The following CSMD1 variants were observed in gnomAD, a reference collection of about 807,000 sequenced individuals.
The protein encoded by CSMD1 is CUB and Sushi multiple domains 1, also known as CUB and sushi domain-containing protein 1.
CSMD1 carries 213 observed loss-of-function variants against 417.5 expected under a neutral mutation model. The observed-to-expected ratio is 0.51, with a 90% CI of 0.46 to 0.57. CSMD1 has a LOEUF of 0.57. CSMD1 is among the 20% of genes least tolerant of loss of function. The probability of loss-of-function intolerance (pLI) is 0.00; values close to 1 mark genes in which losing one functional copy is unlikely to be tolerated. For synonymous variants in CSMD1, 2,862 were observed against 1,736.8 expected (o/e 1.65, Z -16.11); for missense variants, 6,923 against 4,529.7 (o/e 1.53, Z -15.17).
chr8:4,277,994 G>A lies in CSMD1; in HGVS notation c.415+141959C>T, dbSNP rs143767261. On this transcript the variant is annotated intron_variant, in intron 3 of 69. Transcript: ENST00000635120. ...TGAACTCCTAACCTCGTGATTCGCC[G>A]CCTTGCCCTCCCAAAGTGCTGGGAT... Among the ~76,000 whole-genome samples, 18 of 152,092 alleles carry A rather than the reference G, an allele frequency of 1.2e-4. No homozygotes were observed. The South Asian group carries it at 1.9e-3, about 16-fold the overall frequency.
At chr8:3,834,127 T>G (rs554339830) in intron 5 of CSMD1, among the ~76,000 whole-genome samples, 85 of 152,332 alleles carry the variant, frequency 5.6e-4, no homozygotes, top group African/African-American at 1.8e-3. Flanking sequence ...CATTTCTAAT[T>G]GTCTTCAATT....
At chr8:2,965,308 G>A (rs370245527) in intron 59 of CSMD1, among the ~76,000 whole-genome samples, 5 of 152,146 alleles carry the variant, frequency 3.3e-5, no homozygotes, top group South Asian at 2.1e-4. Flanking sequence ...CTTCAGTCTC[G>A]GCAACCAAAC....
At chr8:2,985,946 G>A (rs1175074068) in intron 54 of CSMD1, among the ~76,000 whole-genome samples, 1 of 139,064 alleles carries the variant, frequency 7.2e-6, no homozygotes, top group Middle Eastern at 3.6e-3. Flanking sequence ...GAAGGGAAGG[G>A]GAAGGGGAAG....
At chr8:3,166,778 G>A (rs1820247235) in intron 37 of CSMD1, among the ~76,000 whole-genome samples, 1 of 151,960 alleles carries the variant, frequency 6.6e-6, no homozygotes, top group African/African-American at 2.4e-5. Flanking sequence ...TTATTCTTAA[G>A]GCAGACTAAA....
At chr8:3,084,745 A>G (rs1034571403) in intron 49 of CSMD1, among the ~76,000 whole-genome samples, 19 of 152,074 alleles carry the variant, frequency 1.2e-4, no homozygotes, top group African/African-American at 4.3e-4. Flanking sequence ...ATGCTATTTA[A>G]AACTTTTATA....
At chr8:3,292,474 A>T (rs114351797) in intron 25 of CSMD1, among the ~76,000 whole-genome samples, 2,611 of 152,188 alleles carry the variant, frequency 0.017, 76 homozygotes, top group African/African-American at 0.06. Flanking sequence ...GTCTCTTTGT[A>T]GGTGTCTAAG....
At chr8:3,559,648 A>G (rs1799384537) in intron 10 of CSMD1, among the ~76,000 whole-genome samples, 1 of 152,198 alleles carries the variant, frequency 6.6e-6, no homozygotes, top group Admixed American at 6.5e-5. Flanking sequence ...AAGCATTTCA[A>G]GGTCTTCACT....
At chr8:3,369,785 T>C (rs559987474) in intron 18 of CSMD1, among the ~76,000 whole-genome samples, 1 of 152,268 alleles carries the variant, frequency 6.6e-6, no homozygotes, top group African/African-American at 2.4e-5. Context: ...AAGAGAAAGT[T>C]TTATGTAATC....
intron 48 of CSMD1, among the ~76,000 whole-genome samples, chr8:3,091,199 C>T (rs1219103980): frequency 6.6e-6 from 1 of 151,850 alleles, no homozygotes; most frequent in Non-Finnish European, 1.5e-5. Context: ...TATTTGTTTG[C>T]TTACCATTTA....
rs189495038 is a variant in CSMD1, at chr8:3,362,908, C to T, written c.3116-3568G>A. 2.6e-5 allele frequency among the ~76,000 whole-genome samples: 4 copies of T among 152,312 alleles called. No homozygotes were observed. In the East Asian group the frequency reaches 5.8e-4, roughly 22 times the overall value. On this transcript the variant is annotated intron_variant, in intron 20 of 69. Transcript: ENST00000635120. ...TGTAACATGTTCCTGTTGAGACTCA[C>T]GCATTGTCTTTCAAGTAAACATTGA... is the stretch of plus-strand genomic sequence containing the variant.
intron 25 of CSMD1, among the ~76,000 whole-genome samples, chr8:3,302,447 C>G (rs768885778): frequency 9.2e-5 from 14 of 152,198 alleles, no homozygotes; most frequent in Non-Finnish European, 4.4e-5. Context: ...TCAGCTATTT[C>G]TCCTGTAATT....
intron 38 of CSMD1, among the ~76,000 whole-genome samples, chr8:3,159,333 T>A (rs1377721499): frequency 2.0e-5 from 3 of 152,198 alleles, no homozygotes; most frequent in African/African-American, 7.2e-5. Flanking sequence ...CCTGTGCATT[T>A]ATTTACTAGT....
intron 3 of CSMD1, among the ~76,000 whole-genome samples, chr8:4,142,280 G>T (rs1647362): frequency 0.2 from 29,707 of 150,856 alleles, 3,524 homozygotes; most frequent in East Asian, 0.29. Context: ...CTTGGTATAA[G>T]GTAATGTTTC....
chr8:3,819,091 A>G (rs1801565593), intron 5 of CSMD1, among the ~76,000 whole-genome samples: 1 of 152,180 alleles, frequency 6.6e-6, no homozygotes, highest in South Asian at 2.1e-4. Context: ...AAGGCAGAGT[A>G]GAGAGAAAAG....
intron 3 of CSMD1, among the ~76,000 whole-genome samples, chr8:4,087,717 C>T (rs138823805): frequency 6.6e-6 from 1 of 152,276 alleles, no homozygotes; most frequent in Admixed American, 6.5e-5. Flanking sequence ...CTCCCACACT[C>T]TCAACCGCAC....
chr8:4,468,840 G>C (rs529511211), intron 2 of CSMD1, among the ~76,000 whole-genome samples: 3 of 152,154 alleles, frequency 2.0e-5, no homozygotes, highest in African/African-American at 7.2e-5. Flanking sequence ...AACAGCAATT[G>C]AATTATCAAT....
chr8:3,087,558 T>C (rs1050701194), intron 48 of CSMD1, among the ~76,000 whole-genome samples: 2 of 152,154 alleles, frequency 1.3e-5, no homozygotes, highest in Admixed American at 1.3e-4. Flanking sequence ...GAGTATCCAA[T>C]CTTTAGGCTT....
At chr8:3,872,526 G>A (rs910901555) in intron 5 of CSMD1, among the ~76,000 whole-genome samples, 1 of 152,184 alleles carries the variant, frequency 6.6e-6, no homozygotes, top group South Asian at 2.1e-4. Context: ...GTTCTGCCAG[G>A]TCACTGAAAG....
intron 10 of CSMD1, among the ~76,000 whole-genome samples, chr8:3,500,438 G>C (rs931415622): frequency 3.9e-5 from 6 of 152,106 alleles, no homozygotes; most frequent in Non-Finnish European, 7.4e-5. Flanking sequence ...ACAGAAATGG[G>C]GGTCCCTAAC....
Sources: allele counts gnomAD v4.1 joint callset (sites outside exome capture counted in the v4.1 genomes callset), GRCh38; gene constraint gnomAD v4.1.1; transcripts MANE v1.5; gene names NCBI Gene and HGNC (gene_info 2026-07-23, HGNC 2026-07-21).